ASXL3: variants seen among roughly 807,000 people sequenced by gnomAD.
The protein encoded by ASXL3 is ASXL transcriptional regulator 3.
Under a neutral mutation model 170.6 loss-of-function variants are expected in ASXL3, and 34 were observed. The ratio of observed to expected loss-of-function variants is 0.20; its 90% confidence interval spans 0.15 to 0.27. The LOEUF (loss-of-function observed/expected upper bound fraction) is 0.27, where lower values mean the gene tolerates loss of function less well. Among genes scored for constraint, ASXL3 ranks in the 10% least tolerant of loss-of-function variants. The pLI is 1.00. For missense variants in ASXL3, 2,592 were observed against 2,695.3 expected, an observed-to-expected ratio of 0.96 and a Z score of 0.85; for synonymous variants, 1,002 against 989.1, an observed-to-expected ratio of 1.01 and a Z score of -0.24.
chr18:33,616,398 CTGTGTGTGTGTGTGTG>C (rs34006188), intron 2 of ASXL3, among the ~76,000 whole-genome samples: 4 of 149,546 alleles, frequency 2.7e-5, no homozygotes, highest in African/African-American at 9.8e-5. Flanking sequence ...TTGTGTGTGC[CTGTGTGTGTGTGTGTG>C]TGTGTGTGTG....
chr18:33,718,849 TC>T (rs945378338), intron 8 of ASXL3, among the ~76,000 whole-genome samples: 8 of 151,962 alleles, frequency 5.3e-5, no homozygotes, highest in Non-Finnish European at 1.0e-4. Context: ...CATAGGTCCT[TC>T]CCATAATCAA....
intron 1 of ASXL3, 36 bp downstream of exon 1, chr18:33,578,721 C>A: frequency 8.7e-7 from 1 of 1,154,686 alleles, no homozygotes; most frequent in Non-Finnish European, 1.1e-6. Context: ...CCGCGCCTCC[C>A]GCCGGCCCCG....
chr18:33,691,054 C>T (rs1279174048), intron 8 of ASXL3, among the ~76,000 whole-genome samples: 2 of 152,178 alleles, frequency 1.3e-5, no homozygotes, highest in South Asian at 2.1e-4. Flanking sequence ...TGCTTTAAGC[C>T]TCATACCTAG....
Position 33,734,403 on chromosome 18 carries a change from T to C in ASXL3, c.1070T>C (p.Phe357Ser), listed in dbSNP as rs1291910720. Residue 357 changes from phenylalanine to serine, a missense_variant, in exon 10 of 12, where the codon TTT becomes TCT. By Grantham distance (155) the Phe-to-Ser change is radical. Transcript: ENST00000269197. Reference protein sequence around the residue: ...EPWKEKFFERFYGEKLGMSRE... With the variant: ...EPWKEKFFERSYGEKLGMSRE... ...TGGAAAGAAAAATTCTTTGAGAGGTTTTATGGAGAAAAGTAAGTACTAGAG... is the reference window on the plus strand; with the variant it reads ...TGGAAAGAAAAATTCTTTGAGAGGTCTTATGGAGAAAAGTAAGTACTAGAG... 6.3e-7 allele frequency: 1 copy of C among 1,595,230 alleles called. No homozygotes were observed. Among genetic ancestry groups the C allele is most frequent in the Non-Finnish European group, 8.5e-7 (1 of 1,170,942 alleles).
chr18:33,589,698 T>C (rs1224140122), intron 1 of ASXL3, among the ~76,000 whole-genome samples: 1 of 152,166 alleles, frequency 6.6e-6, no homozygotes, highest in Non-Finnish European at 1.5e-5. Context: ...TAGCCTCCTT[T>C]TAAGAGTATA....
intron 4 of ASXL3, among the ~76,000 whole-genome samples, chr18:33,656,664 T>C (rs1269226668): frequency 6.6e-6 from 1 of 152,110 alleles, no homozygotes; most frequent in Non-Finnish European, 1.5e-5. Context: ...TGAGTAAAGA[T>C]GGCAAAGAGA....
chr18:33,582,799 C>CA (rs1288798269), intron 1 of ASXL3, among the ~76,000 whole-genome samples: 1 of 151,482 alleles, frequency 6.6e-6, no homozygotes, highest in Non-Finnish European at 1.5e-5. Context: ...AAATTCACCT[C>CA]ATTGTTGGAA....
chr18:33,614,059 A>G (rs1029401876), intron 2 of ASXL3, among the ~76,000 whole-genome samples: 4 of 152,100 alleles, frequency 2.6e-5, no homozygotes, highest in African/African-American at 7.2e-5. Context: ...GGCTGTGGCA[A>G]TTGCTTAAAG....
chr18:33,629,373 G>C (rs889730859), intron 2 of ASXL3, among the ~76,000 whole-genome samples: 6 of 152,122 alleles, frequency 3.9e-5, no homozygotes, highest in African/African-American at 1.2e-4. Flanking sequence ...ACTTAAATAA[G>C]ATGCTTGCCA....
At chr18:33,681,541 A>G (rs940420065) in intron 7 of ASXL3, among the ~76,000 whole-genome samples, 4 of 152,020 alleles carry the variant, frequency 2.6e-5, no homozygotes, top group African/African-American at 7.2e-5. Context: ...TAATATTTCT[A>G]TCCATCACAC....
At chr18:33,578,827 G>T (rs1241656413) in intron 1 of ASXL3, 142 bp downstream of exon 1, 2 of 448,614 alleles carry the variant, frequency 4.5e-6, no homozygotes, top group African/African-American at 2.1e-5. Context: ...TTATTCTGCG[G>T]GAGTGGGCTC....
chr18:33,585,356 G>A (rs1391306640), intron 1 of ASXL3, among the ~76,000 whole-genome samples: 1 of 151,960 alleles, frequency 6.6e-6, no homozygotes, highest in African/African-American at 2.4e-5. Context: ...AACTTTCCCT[G>A]AAGAGCCCTT....
intron 2 of ASXL3, among the ~76,000 whole-genome samples, chr18:33,643,341 A>G (rs2065873731): frequency 6.6e-6 from 1 of 151,870 alleles, no homozygotes. Flanking sequence ...CAAATACGAG[A>G]AAAATATTTT....
intron 1 of ASXL3, among the ~76,000 whole-genome samples, chr18:33,594,180 ATCT>A (rs578153169): frequency 2.7e-4 from 41 of 152,288 alleles, no homozygotes; most frequent in African/African-American, 9.4e-4. Context: ...GGCCTAATTT[ATCT>A]TTAGGCAAAA....
chr18:33,579,818 G>T (rs1347496539), intron 1 of ASXL3, among the ~76,000 whole-genome samples: 1 of 151,922 alleles, frequency 6.6e-6, no homozygotes, highest in African/African-American at 2.4e-5. Flanking sequence ...TGCAGCGGGG[G>T]TTTTGGGAGG....
At chr18:33,677,762 A>C (rs2066451200) in intron 7 of ASXL3, among the ~76,000 whole-genome samples, 1 of 152,202 alleles carries the variant, frequency 6.6e-6, no homozygotes, top group Non-Finnish European at 1.5e-5. Context: ...GACTTTTTAC[A>C]CAATTTCTTC....
chr18:33,691,457 G>C (rs1009761557), intron 8 of ASXL3, among the ~76,000 whole-genome samples: 5 of 152,208 alleles, frequency 3.3e-5, no homozygotes, highest in South Asian at 2.1e-4. Flanking sequence ...CAGACCTTGT[G>C]AGGAAGTTGA....
chr18:33,642,911 T>TGC (rs2065866774), intron 2 of ASXL3, among the ~76,000 whole-genome samples: 1 of 151,908 alleles, frequency 6.6e-6, no homozygotes, highest in African/African-American at 2.4e-5. Flanking sequence ...TTATTTAACG[T>TGC]GCTGAATCTG....
At chr18:33,637,697 A>G (rs570544811) in intron 2 of ASXL3, among the ~76,000 whole-genome samples, 4 of 152,184 alleles carry the variant, frequency 2.6e-5, no homozygotes, top group African/African-American at 7.2e-5. Context: ...AGGGGTGGAG[A>G]AATAGGCTAA....
Sources: allele counts gnomAD v4.1 joint callset (sites outside exome capture counted in the v4.1 genomes callset), GRCh38; gene constraint gnomAD v4.1.1; transcripts MANE v1.5; gene names NCBI Gene and HGNC (gene_info 2026-07-23, HGNC 2026-07-21).